Variants in CTSB observed in about 807,000 individuals in gnomAD.
CTSB encodes cathepsin B.
A neutral mutation model predicts 44.3 loss-of-function variants in CTSB; 57 were observed. The observed-to-expected ratio is 1.29, with a 90% CI of 1.04 to 1.60. The LOEUF (loss-of-function observed/expected upper bound fraction) is 1.60. Ranked by LOEUF, CTSB falls within the 40% of genes most tolerant of loss-of-function variation. The pLI is 0.00. For synonymous variants in CTSB, 320 were observed against 168.0 expected (o/e 1.91, Z -7.00); for missense variants, 768 against 443.0 (o/e 1.73, Z -6.59).
At chr8:11,849,338 G>A in intron 4 of CTSB, 174 bp from the exon 5 acceptor site, 1 of 505,486 alleles carries the variant, frequency 2.0e-6, no homozygotes, top group East Asian at 3.6e-5. Context: ...TAGAAATGGG[G>A]TCTTGCTACG....
intron 1 of CTSB, among the ~76,000 whole-genome samples, chr8:11,855,091 C>G (rs765490331): frequency 6.6e-6 from 1 of 152,114 alleles, no homozygotes; most frequent in Non-Finnish European, 1.5e-5. Flanking sequence ...GGCATGATCT[C>G]GGCTCACTGC....
chr8:11,859,227 C>T (rs899454469), intron 1 of CTSB, among the ~76,000 whole-genome samples: 5 of 152,180 alleles, frequency 3.3e-5, no homozygotes, highest in South Asian at 2.1e-4. Flanking sequence ...CTCTGTAGAA[C>T]GTTGTTATGT....
intron 1 of CTSB, among the ~76,000 whole-genome samples, chr8:11,858,383 C>A (rs1440889761): frequency 6.6e-6 from 1 of 152,220 alleles, no homozygotes; most frequent in Non-Finnish European, 1.5e-5. Context: ...CAAACTCTGC[C>A]TCCTGGGCTC....
chr8:11,853,353 G>C lies in CTSB; in HGVS notation c.102C>G (p.Val34=). The change falls in exon 2 of 10, where the codon GTC becomes GTG. Residue 34 remains valine, a synonymous_variant. Transcript: ENST00000353047. ...CCTGCCACGTGGTATTCCGTTTGTTGACATAGTTGACCAGCTCATCCGACA... is the reference window on the plus strand; with the variant it reads ...CCTGCCACGTGGTATTCCGTTTGTTCACATAGTTGACCAGCTCATCCGACA... ...HPLSDELVNY[V]NKRNTTWQAG... 1 of 1,613,396 alleles carries C rather than the reference G, an allele frequency of 6.2e-7. No homozygotes were observed. The highest frequency in any genetic ancestry group is 1.3e-5 in the African/African-American group (1 of 74,754).
In CTSB at chr8:11,845,064, A is replaced by C; in HGVS notation, c.*61T>G. The C allele has an allele frequency of 8.9e-7, 1 of 1,126,054 alleles. No homozygotes were observed. The highest frequency in any genetic ancestry group is 1.4e-6 in the Non-Finnish European group (1 of 740,068). The allele number at this position is 1,126,054 out of a possible 1,614,324, so 69.8% of individuals were successfully genotyped here. On this transcript the variant is annotated 3_prime_UTR_variant, in exon 10 of 10. Coordinates refer to ENST00000353047, the MANE Select transcript of CTSB (RefSeq NM_001908.5). ...ACTTGTATCTTACGTGAACTTAAAGAATAAAATGCATTTCTACCCCGATCT... is the reference window on the plus strand; with the variant it reads ...ACTTGTATCTTACGTGAACTTAAAGCATAAAATGCATTTCTACCCCGATCT...
chr8:11,859,289 C>T (rs144371648), intron 1 of CTSB, among the ~76,000 whole-genome samples: 1 of 152,116 alleles, frequency 6.6e-6, no homozygotes, highest in Non-Finnish European at 1.5e-5. Context: ...CACCTTCCTC[C>T]CCCGGCAAAC....
intron 1 of CTSB, among the ~76,000 whole-genome samples, chr8:11,861,882 G>T (rs1246100195): frequency 6.6e-6 from 1 of 152,224 alleles, no homozygotes; most frequent in Non-Finnish European, 1.5e-5. Context: ...CACCAGGGTA[G>T]TTGAGGCTGA....
intron 5 of CTSB, chr8:11,848,767 C>T (rs1369078359): frequency 2.8e-6 from 1 of 353,402 alleles, no homozygotes; most frequent in Non-Finnish European, 5.5e-6. Context: ...TGCGATGACA[C>T]AAACCAGACC....
At chr8:11,846,023 A>G (rs774559677) in intron 8 of CTSB, 17 of 372,062 alleles carry the variant, frequency 4.6e-5, no homozygotes, top group Non-Finnish European at 7.6e-5. Context: ...TTCCTACAAA[A>G]TGTGCTTGTT....
chr8:11,865,095 G>A (rs1436645184), intron 1 of CTSB, among the ~76,000 whole-genome samples: 1 of 152,126 alleles, frequency 6.6e-6, no homozygotes, highest in Non-Finnish European at 1.5e-5. Context: ...CTGCCACCCT[G>A]ATATCCCAGA....
Position 11,843,111 on chromosome 8 carries a change from G to C in CTSB, c.*2014C>G, listed in dbSNP as rs1165450186. 6.6e-6 allele frequency: 1 copy of C among 152,080 alleles called. No homozygotes were observed. Among genetic ancestry groups the C allele is most frequent in the Non-Finnish European group, 1.5e-5 (1 of 68,078 alleles). The allele number at this position is 152,080 out of a possible 1,614,324, so 9.4% of individuals were successfully genotyped here. Reference sequence around the variant, plus strand: ...TTACAGGCATGTGCCACCATGCCCAGCTAATTTTTGTATTTTTAGTAGAGG... The same window carrying C: ...TTACAGGCATGTGCCACCATGCCCACCTAATTTTTGTATTTTTAGTAGAGG... On this transcript the variant is annotated 3_prime_UTR_variant, in exon 10 of 10. Transcript: ENST00000353047.
intron 5 of CTSB, 185 bp from the exon 6 acceptor site, chr8:11,848,337 G>A: frequency 1.5e-6 from 1 of 689,570 alleles, no homozygotes; most frequent in Non-Finnish European, 2.7e-6. Context: ...CAGCTTGCAG[G>A]GAATAACCGC....
Position 11,847,805 on chromosome 8 carries a change from T to A in CTSB, c.550A>T (p.Ile184Phe). ...ESHVGCRPYS[I>F]PPCEHHVNGS... ...TTGACGTGGTGCTCACAGGGAGGGA[T>A]GGAGTACGGTCTGCACCCTGATGGG... The change falls in exon 7 of 10, where the codon ATC becomes TTC. Residue 184 changes from isoleucine to phenylalanine, a missense_variant. Coordinates refer to ENST00000353047, the MANE Select transcript of CTSB (RefSeq NM_001908.5). The A allele has an allele frequency of 6.3e-7, 1 of 1,597,608 alleles. No homozygotes were observed. Among genetic ancestry groups the A allele is most frequent in the Non-Finnish European group, 8.5e-7 (1 of 1,175,428 alleles).
chr8:11,849,416 G>A (rs557405397), intron 4 of CTSB: 48 of 325,262 alleles, frequency 1.5e-4, no homozygotes, highest in South Asian at 8.5e-4. Context: ...AAAGTGCTGG[G>A]ATTAGAGGCG....
chr8:11,847,561 T>G, intron 7 of CTSB, 118 bp downstream of exon 7: 2 of 1,147,090 alleles, frequency 1.7e-6, no homozygotes, highest in African/African-American at 1.6e-5. Flanking sequence ...CCCTCCTCTA[T>G]CCTAGAGTTC....
intron 4 of CTSB, chr8:11,849,460 CG>C (rs57509623): frequency 0.54 from 130,607 of 240,824 alleles, 37,701 homozygotes; most frequent in Non-Finnish European, 0.61. Context: ...CCTGCCTCAA[CG>C]ATTTGCCCAA....
chr8:11,845,167 C>T lies in CTSB; in HGVS notation c.978G>A (p.Val326=), dbSNP rs755824569. The change falls in exon 10 of 10, where the codon GTG becomes GTA. Residue 326 remains valine, a synonymous_variant. Transcript: ENST00000353047. ...ACTGATCGGTGCGTGGAATTCCAGC[C>T]ACCACTTCTGATTCGATTCCACAGT... ...QDHCGIESEV[V]AGIPRTDQYW... The T allele has an allele frequency of 1.1e-5, 17 of 1,613,996 alleles. No homozygotes were observed. In the East Asian group the frequency reaches 1.6e-4, roughly 15 times the overall value.
chr8:11,849,156 C>A lies in CTSB; in HGVS notation c.336G>T (p.Gly112=). ...QGSCGSCWAF[G]AVEAISDRIC... ...TCCGGTCAGAGATGGCTTCCACAGCCCCGAAGGCCTGCAGGAACGAGCCCC... is the reference window on the plus strand; with the variant it reads ...TCCGGTCAGAGATGGCTTCCACAGCACCGAAGGCCTGCAGGAACGAGCCCC... The change falls in exon 5 of 10, where the codon GGG becomes GGT. Residue 112 remains glycine, a synonymous_variant. Transcript: ENST00000353047. 6.2e-7 allele frequency: 1 copy of A among 1,612,182 alleles called. No individual in the cohort carries two copies. The highest frequency in any genetic ancestry group is 8.5e-7 in the Non-Finnish European group (1 of 1,179,634).
chr8:11,850,752 A>T, intron 4 of CTSB, 114 bp downstream of exon 4: 1 of 640,576 alleles, frequency 1.6e-6, no homozygotes, highest in South Asian at 2.0e-5. Context: ...TGGGACTCAG[A>T]AAGTTTCTAT....
Sources: allele counts gnomAD v4.1 joint callset (sites outside exome capture counted in the v4.1 genomes callset), GRCh38; gene constraint gnomAD v4.1.1; transcripts MANE v1.5; gene names NCBI Gene and HGNC (gene_info 2026-07-23, HGNC 2026-07-21).